Variants in ZNF804A observed in about 807,000 individuals in gnomAD.
ZNF804A encodes zinc finger protein 804A.
In ZNF804A, 2 loss-of-function variants were observed where a neutral mutation model predicts 16.5. That is an observed-to-expected ratio of 0.12 (90% CI 0.05 to 0.38). The LOEUF is 0.38. Ranked by LOEUF, ZNF804A falls within the 10% of genes least tolerant of loss-of-function variation. The pLI is 0.99. For synonymous variants in ZNF804A, 534 were observed against 489.6 expected (o/e 1.09, Z -1.20); for missense variants, 1,473 against 1,390.7 (o/e 1.06, Z -0.94).
At chr2:184,900,739 C>T (rs938949316) in intron 2 of ZNF804A, among the ~76,000 whole-genome samples, 1 of 152,102 alleles carries the variant, frequency 6.6e-6, no homozygotes, top group African/African-American at 2.4e-5. Flanking sequence ...AGATTTGACA[C>T]TTGTAAAAGA....
chr2:184,774,881 A>T (rs1694263935), intron 1 of ZNF804A, among the ~76,000 whole-genome samples: 1 of 151,492 alleles, frequency 6.6e-6, no homozygotes, highest in Non-Finnish European at 1.5e-5. Context: ...GCCATAAACA[A>T]AGCAGCTACC....
rs773030950 is a variant in ZNF804A, at chr2:184,726,683, C to T, written c.111+127613C>T. On this transcript the variant is annotated intron_variant, in intron 1 of 3. Transcript: ENST00000302277. Reference sequence around the variant, plus strand: ...TTGTTCTTCGTATTAAAATTGCATTCGTTATCCATCCTTCTGCAACATGAC... The same window carrying T: ...TTGTTCTTCGTATTAAAATTGCATTTGTTATCCATCCTTCTGCAACATGAC... Among the ~76,000 whole-genome samples, 122 of 151,438 alleles carry T rather than the reference C, an allele frequency of 8.1e-4. 1 individual carries two copies. Among genetic ancestry groups the T allele is most frequent in the Non-Finnish European group, 1.8e-4 (12 of 67,596 alleles).
At chr2:184,695,775 A>G (rs570857172) in intron 1 of ZNF804A, among the ~76,000 whole-genome samples, 1 of 152,090 alleles carries the variant, frequency 6.6e-6, no homozygotes, top group South Asian at 2.1e-4. Context: ...GTGGATTTAG[A>G]CTTGTTCTTG....
At chr2:184,742,691 T>C (rs62176236) in intron 1 of ZNF804A, among the ~76,000 whole-genome samples, 21,573 of 150,982 alleles carry the variant, frequency 0.14, 1,657 homozygotes, top group Middle Eastern at 0.24. Flanking sequence ...CCTATTAGGT[T>C]CTAGGATTCT....
At chr2:184,809,192 A>G (rs888200714) in intron 1 of ZNF804A, among the ~76,000 whole-genome samples, 1 of 152,038 alleles carries the variant, frequency 6.6e-6, no homozygotes, top group African/African-American at 2.4e-5. Context: ...TAGGGTATTA[A>G]TTTGGTTATA....
intron 1 of ZNF804A, among the ~76,000 whole-genome samples, chr2:184,863,346 T>C (rs1695828067): frequency 6.6e-6 from 1 of 152,148 alleles, no homozygotes; most frequent in African/African-American, 2.4e-5. Context: ...ATCCAAATTA[T>C]TCATCAGTGA....
chr2:184,820,593 A>G (rs1450552723), intron 1 of ZNF804A, among the ~76,000 whole-genome samples: 1 of 152,136 alleles, frequency 6.6e-6, no homozygotes, highest in Non-Finnish European at 1.5e-5. Context: ...AAAGAAATAA[A>G]GCATGTTCAA....
chr2:184,705,374 A>G (rs1693005711), intron 1 of ZNF804A, among the ~76,000 whole-genome samples: 1 of 152,226 alleles, frequency 6.6e-6, no homozygotes, highest in Non-Finnish European at 1.5e-5. Flanking sequence ...GGATATGGGA[A>G]TGTAAAAATA....
intron 2 of ZNF804A, among the ~76,000 whole-genome samples, chr2:184,898,906 T>C (rs1272019472): frequency 1.3e-5 from 2 of 152,016 alleles, no homozygotes; most frequent in African/African-American, 2.4e-5. Flanking sequence ...AAAGTTGTAA[T>C]TGTGTAACTA....
Position 184,935,858 on chromosome 2 carries a change from AGTT to A in ZNF804A, c.468_470del (p.Val157del). 1.9e-6 allele frequency: 3 copies of A among 1,613,736 alleles called. No homozygotes were observed. Among genetic ancestry groups the A allele is most frequent in the South Asian group, 1.1e-5 (1 of 91,062 alleles). ...AAAACTGTAATGAAATTTCCCAACG[AGTT>A]GTTGTGGATTCAGTTAATAACCAGC... On this transcript the variant is annotated inframe_deletion, in exon 4 of 4. Coordinates refer to ENST00000302277, the MANE Select transcript of ZNF804A (RefSeq NM_194250.2).
intron 1 of ZNF804A, among the ~76,000 whole-genome samples, chr2:184,805,455 G>A (rs963208970): frequency 1.3e-5 from 2 of 152,024 alleles, no homozygotes; most frequent in Non-Finnish European, 2.9e-5. Flanking sequence ...GTTACTGAAT[G>A]CAATCTCAAA....
intron 1 of ZNF804A, among the ~76,000 whole-genome samples, chr2:184,839,453 C>A (rs558597837): frequency 2.6e-5 from 4 of 152,082 alleles, no homozygotes; most frequent in Admixed American, 2.6e-4. Flanking sequence ...ACATGTATTT[C>A]CTAAAGTAAA....
At chr2:184,737,144 C>A (rs969581375) in intron 1 of ZNF804A, among the ~76,000 whole-genome samples, 1 of 151,652 alleles carries the variant, frequency 6.6e-6, no homozygotes, top group Non-Finnish European at 1.5e-5. Flanking sequence ...GCAAGCTCCA[C>A]CTCCTGGGTT....
intron 1 of ZNF804A, among the ~76,000 whole-genome samples, chr2:184,690,881 G>T (rs1221755758): frequency 6.6e-6 from 1 of 151,748 alleles, no homozygotes; most frequent in Non-Finnish European, 1.5e-5. Context: ...ATGTGAACAG[G>T]TATACAAATA....
chr2:184,916,673 C>T (rs562529571), intron 2 of ZNF804A, among the ~76,000 whole-genome samples: 17 of 152,158 alleles, frequency 1.1e-4, no homozygotes, highest in African/African-American at 3.1e-4. Flanking sequence ...CATGGTGAAA[C>T]CCCGTCTCTA....
chr2:184,782,869 C>A (rs1400802911), intron 1 of ZNF804A, among the ~76,000 whole-genome samples: 1 of 148,682 alleles, frequency 6.7e-6, no homozygotes, highest in Non-Finnish European at 1.5e-5. Context: ...ACATTGTAGT[C>A]AACTTAGCAT....
intron 1 of ZNF804A, among the ~76,000 whole-genome samples, chr2:184,643,468 C>A (rs1212855439): frequency 6.6e-6 from 1 of 151,856 alleles, no homozygotes; most frequent in African/African-American, 2.4e-5. Flanking sequence ...ATTGTAGTTA[C>A]TATTAATTCC....
At chr2:184,789,119 T>TGGTTTTGTA (rs1694493177) in intron 1 of ZNF804A, among the ~76,000 whole-genome samples, 1 of 152,138 alleles carries the variant, frequency 6.6e-6, no homozygotes, top group African/African-American at 2.4e-5. Flanking sequence ...TACTTAGTTC[T>TGGTTTTGTA]GTTAATTAGG....
intron 1 of ZNF804A, among the ~76,000 whole-genome samples, chr2:184,863,136 G>A (rs924895715): frequency 9.2e-5 from 14 of 152,064 alleles, no homozygotes; most frequent in African/African-American, 2.2e-4. Flanking sequence ...TGGATACATA[G>A]GGATTATTAT....
Sources: allele counts gnomAD v4.1 joint callset (sites outside exome capture counted in the v4.1 genomes callset), GRCh38; gene constraint gnomAD v4.1.1; transcripts MANE v1.5; gene names NCBI Gene and HGNC (gene_info 2026-07-23, HGNC 2026-07-21).